FSTL4: variants seen among roughly 807,000 people sequenced by gnomAD.
FSTL4 encodes the protein follistatin-related protein 4.
FSTL4 carries 28 observed loss-of-function variants against 78.2 expected under a neutral mutation model. The observed-to-expected ratio is 0.36, with a 90% CI of 0.27 to 0.49. FSTL4 has a LOEUF of 0.49. FSTL4 is among the 20% of genes least tolerant of loss of function. The pLI is 0.98. For synonymous variants in FSTL4, 422 were observed against 440.5 expected, an observed-to-expected ratio of 0.96 and a Z score of 0.53; for missense variants, 922 against 1,084.9, an observed-to-expected ratio of 0.85 and a Z score of 2.11.
At chr5:133,374,300 G>C (rs1580658824) in intron 4 of FSTL4, among the ~76,000 whole-genome samples, 1 of 152,206 alleles carries the variant, frequency 6.6e-6, no homozygotes. Context: ...TTCTGGACAA[G>C]GGTCCATTGT....
chr5:133,502,574 A>C (rs1758521957), intron 3 of FSTL4, among the ~76,000 whole-genome samples: 1 of 152,104 alleles, frequency 6.6e-6, no homozygotes, highest in Admixed American at 6.5e-5. Flanking sequence ...GTTAGCACCA[A>C]CTCCCCAGTG....
intron 3 of FSTL4, among the ~76,000 whole-genome samples, chr5:133,559,573 G>T (rs1317252532): frequency 1.3e-5 from 2 of 152,098 alleles, no homozygotes; most frequent in Non-Finnish European, 2.9e-5. Context: ...ACCCTTTAGG[G>T]GTCATGACCT....
the FSTL4 span, among the ~76,000 whole-genome samples, chr5:133,632,632 C>T: frequency 7.9e-5 from 12 of 152,090 alleles, no homozygotes; most frequent in African/African-American, 1.2e-4. Context: ...AGTTGAAAAA[C>T]GTTGTGCCAC....
intron 6 of FSTL4, among the ~76,000 whole-genome samples, chr5:133,297,515 C>T (rs948924881): frequency 3.3e-5 from 5 of 152,156 alleles, no homozygotes; most frequent in Non-Finnish European, 7.3e-5. Flanking sequence ...CGGCTCTTCA[C>T]CTCTAAAATG....
At chr5:133,745,289 A>T in the FSTL4 span, among the ~76,000 whole-genome samples, 1 of 152,198 alleles carries the variant, frequency 6.6e-6, no homozygotes, top group Non-Finnish European at 1.5e-5. Context: ...CTTTGCCTTT[A>T]TTGGAAAATG....
chr5:133,714,897 G>C, the FSTL4 span, among the ~76,000 whole-genome samples: 1 of 152,354 alleles, frequency 6.6e-6, no homozygotes, highest in African/African-American at 2.4e-5. Flanking sequence ...AAGACAGTGA[G>C]CTCCAGAAAT....
chr5:133,632,951 G>A, the FSTL4 span, among the ~76,000 whole-genome samples: 44 of 152,242 alleles, frequency 2.9e-4, no homozygotes, highest in Middle Eastern at 3.4e-3. Flanking sequence ...ACCTCCCAAA[G>A]TGCTGGAATT....
chr5:133,498,851 A>C (rs1758426537), intron 3 of FSTL4, among the ~76,000 whole-genome samples: 2 of 151,570 alleles, frequency 1.3e-5, no homozygotes, highest in South Asian at 4.1e-4. Flanking sequence ...TTTATTGAGC[A>C]CCTGCTGGGG....
chr5:133,511,113 C>T (rs144403441), intron 3 of FSTL4, among the ~76,000 whole-genome samples: 43 of 152,276 alleles, frequency 2.8e-4, no homozygotes, highest in African/African-American at 1.0e-3. Context: ...ACAGGCCATG[C>T]CTTCAAGGGC....
At chr5:133,364,310 T>C in intron 4 of FSTL4, among the ~76,000 whole-genome samples, 1 of 152,232 alleles carries the variant, frequency 6.6e-6, no homozygotes, top group East Asian at 1.9e-4. Flanking sequence ...TGGGTGGTGG[T>C]GGTCACAAGT....
intron 3 of FSTL4, among the ~76,000 whole-genome samples, chr5:133,558,908 G>C (rs76782177): frequency 1.3e-5 from 2 of 152,120 alleles, no homozygotes; most frequent in East Asian, 3.9e-4. Flanking sequence ...AGTGTTGGCA[G>C]GTCTTGCTGA....
chr5:133,553,838 TG>T (rs1321376505), intron 3 of FSTL4, among the ~76,000 whole-genome samples: 1 of 152,114 alleles, frequency 6.6e-6, no homozygotes, highest in Non-Finnish European at 1.5e-5. Context: ...GCTAAGTCTC[TG>T]GGATATGTTG....
At chr5:133,503,787 G>T (rs1298993228) in intron 3 of FSTL4, among the ~76,000 whole-genome samples, 1 of 152,118 alleles carries the variant, frequency 6.6e-6, no homozygotes, top group Non-Finnish European at 1.5e-5. Context: ...AACTTAACAC[G>T]TCTAAACCAG....
the FSTL4 span, among the ~76,000 whole-genome samples, chr5:133,701,756 C>T: frequency 6.6e-6 from 1 of 152,178 alleles, no homozygotes; most frequent in Non-Finnish European, 1.5e-5. Flanking sequence ...ACAAAATGCA[C>T]ACAGTAGAAC....
chr5:133,447,108 G>A (rs201380584), intron 3 of FSTL4, among the ~76,000 whole-genome samples: 36 of 152,354 alleles, frequency 2.4e-4, no homozygotes, highest in East Asian at 2.3e-3. Context: ...AGAAGAGGCA[G>A]TAGGAAGAGC....
At position 133,205,274 on chromosome 5, in the gene FSTL4, G is replaced by GTT. The variant is rs79696588; in HGVS notation, c.1717-3234_1717-3233dup. 2.6e-5 allele frequency among the ~76,000 whole-genome samples: 4 copies of GTT among 152,200 alleles called. No homozygotes were observed. In the East Asian group the frequency reaches 7.7e-4, roughly 29 times the overall value. The stretch of plus-strand genomic sequence containing the variant: ...ATGTTTTCTCTTTCAATTTGTTGGT[G>GTT]TTATGAATAATATAGACTGATTTCC... On this transcript the variant is annotated intron_variant, in intron 14 of 15. Coordinates refer to ENST00000265342, the MANE Select transcript of FSTL4 (RefSeq NM_015082.2).
At chr5:133,642,644 G>A in the FSTL4 span, among the ~76,000 whole-genome samples, 1 of 152,178 alleles carries the variant, frequency 6.6e-6, no homozygotes, top group African/African-American at 2.4e-5. Context: ...TTTGCAGGGT[G>A]GAACTGCCAG....
the FSTL4 span, among the ~76,000 whole-genome samples, chr5:133,652,725 G>A: frequency 2.2e-4 from 33 of 152,252 alleles, 1 homozygote; most frequent in South Asian, 3.7e-3. Flanking sequence ...AGAAGACTGC[G>A]TATTCTTCAG....
At chr5:133,449,015 G>A (rs1374671226) in intron 3 of FSTL4, among the ~76,000 whole-genome samples, 1 of 152,020 alleles carries the variant, frequency 6.6e-6, no homozygotes, top group East Asian at 1.9e-4. Context: ...TAGCCTTCAG[G>A]CGCATATATA....
Sources: gnomAD v4.1 joint callset for allele counts (sites outside exome capture counted in the v4.1 genomes callset) on GRCh38, gnomAD v4.1.1 for gene constraint, MANE v1.5 for transcripts, NCBI Gene and HGNC (gene_info 2026-07-23, HGNC 2026-07-21) for gene names.